Variants in EHHADH observed in about 807,000 individuals in gnomAD.
EHHADH encodes enoyl-CoA hydratase and 3-hydroxyacyl CoA dehydrogenase.
A neutral mutation model predicts 64.4 loss-of-function variants in EHHADH; 48 were observed. The observed-to-expected ratio is 0.75, with a 90% confidence interval of 0.59 to 0.95. The LOEUF is 0.95. Ranked by LOEUF, EHHADH falls within the 40% of genes least tolerant of loss-of-function variation. The pLI is 0.00. For synonymous variants in EHHADH, 308 were observed against 326.7 expected (o/e 0.94, Z 0.62); for missense variants, 854 against 876.6 (o/e 0.97, Z 0.33).
intron 6 of EHHADH, among the ~76,000 whole-genome samples, chr3:185,196,804 C>A (rs774108777): frequency 3.3e-5 from 5 of 152,238 alleles, no homozygotes; most frequent in Middle Eastern, 3.4e-3. Context: ...GAGTTCAAGA[C>A]CAGCCTGGCC....
intron 6 of EHHADH, 131 bp from the exon 7 acceptor site, chr3:185,193,618 T>C: frequency 9.6e-7 from 1 of 1,038,294 alleles, no homozygotes; most frequent in Non-Finnish European, 1.4e-6. Flanking sequence ...ACAAATGGAT[T>C]GAGTACTAGT....
intron 4 of EHHADH, among the ~76,000 whole-genome samples, chr3:185,225,307 C>T (rs1338811944): frequency 6.6e-6 from 1 of 152,100 alleles, no homozygotes; most frequent in Non-Finnish European, 1.5e-5. Context: ...GTGATGGCAC[C>T]ATCCTTCCAG....
At chr3:185,193,515 G>A in intron 6 of EHHADH, 28 bp from the exon 7 acceptor site, 1 of 1,608,500 alleles carries the variant, frequency 6.2e-7, no homozygotes, top group Non-Finnish European at 8.5e-7. Flanking sequence ...AGGAGAAAAA[G>A]AATGATTCAG....
At position 185,229,492 on chromosome 3, in the gene EHHADH, C is replaced by T. The variant is rs1719096358; in HGVS notation, c.403G>A (p.Gly135Arg). 6.3e-7 allele frequency: 1 copy of T among 1,575,814 alleles called. No individual in the cohort carries two copies. Among genetic ancestry groups the T allele is most frequent in the Non-Finnish European group, 8.6e-7 (1 of 1,158,408 alleles). ...VTLGLLPGAR[G>R]TQLLPRLTGV... ...GTGAGTCTGGGGAGAAGCTGGGTTC[C>T]TCTTGCACCAGGGAGAAGTCCCAGT... The change falls in exon 4 of 7, where the codon GGA becomes AGA. Residue 135 changes from glycine (G) to arginine (R), a missense_variant. By Grantham distance (125) the Gly-to-Arg change is moderately radical (BLOSUM62 -2). Transcript: ENST00000231887.
intron 3 of EHHADH, among the ~76,000 whole-genome samples, chr3:185,234,305 T>C (rs1719222587): frequency 2.0e-5 from 3 of 152,210 alleles, no homozygotes; most frequent in African/African-American, 7.2e-5. Context: ...ATTTGTCTTA[T>C]TAGGTACTGA....
chr3:185,202,244 C>A (rs150058561), intron 6 of EHHADH, among the ~76,000 whole-genome samples: 2 of 151,456 alleles, frequency 1.3e-5, no homozygotes, highest in African/African-American at 4.9e-5. Context: ...GAGGCTGAAG[C>A]ACGAGAATTG....
At chr3:185,221,561 C>T (rs925885280) in intron 4 of EHHADH, among the ~76,000 whole-genome samples, 4 of 144,664 alleles carry the variant, frequency 2.8e-5, no homozygotes, top group Non-Finnish European at 6.0e-5. Flanking sequence ...CATATAGCCT[C>T]ATGATATTTT....
rs551085259 is a variant in EHHADH at position 185,202,675 on chromosome 3, C to G, written c.910+1741G>C. Among the ~76,000 whole-genome samples the G allele has an allele frequency of 1.8e-4, 27 of 152,290 alleles. 2 individuals are homozygous for G. In the South Asian group the frequency reaches 5.2e-3, roughly 29 times the overall value. ...TTAGACTCTCACAGGAGCGCGAACCCTATTGTGAACTGCGCATGTGAGGGA... is the reference window on the plus strand; with the variant it reads ...TTAGACTCTCACAGGAGCGCGAACCGTATTGTGAACTGCGCATGTGAGGGA... On this transcript the variant is annotated intron_variant, in intron 6 of 6. Transcript: ENST00000231887.
At chr3:185,232,075 A>T (rs1325963705) in intron 3 of EHHADH, among the ~76,000 whole-genome samples, 7 of 152,114 alleles carry the variant, frequency 4.6e-5, no homozygotes. Flanking sequence ...AAAGTGGCTG[A>T]GGATCTGTTA....
At chr3:185,225,835 T>C (rs1028796170) in intron 4 of EHHADH, among the ~76,000 whole-genome samples, 2 of 152,290 alleles carry the variant, frequency 1.3e-5, no homozygotes, top group African/African-American at 2.4e-5. Context: ...CCTCCAGATA[T>C]TGGCATAACA....
At position 185,221,315 on chromosome 3, in the gene EHHADH, T is replaced by A. The variant is rs141087806; in HGVS notation, c.464-3075A>T. 4.8e-3 allele frequency among the ~76,000 whole-genome samples: 735 copies of A among 152,338 alleles called. 10 individuals carry two copies. The highest frequency in any genetic ancestry group is 0.016 in the African/African-American group (680 of 41,582). On this transcript the variant is annotated intron_variant, in intron 4 of 6. Coordinates refer to ENST00000231887, the MANE Select transcript of EHHADH (RefSeq NM_001966.4). ...GTCTTTTGCACAATAAATTGTCTCA[T>A]GTGCTTTGAATCCTGTAGTATGTTG...
intron 3 of EHHADH, among the ~76,000 whole-genome samples, chr3:185,234,858 A>T (rs1719244337): frequency 6.6e-6 from 1 of 152,210 alleles, no homozygotes; most frequent in Admixed American, 6.5e-5. Context: ...TAACAGCTGA[A>T]GTCGTTAACC....
At chr3:185,211,656 CAAG>C (rs1718543807) in intron 5 of EHHADH, among the ~76,000 whole-genome samples, 1 of 152,172 alleles carries the variant, frequency 6.6e-6, no homozygotes, top group African/African-American at 2.4e-5. Context: ...TAACAGGCTT[CAAG>C]AAGGTGACCC....
At chr3:185,243,061 T>G (rs1323403183) in intron 2 of EHHADH, among the ~76,000 whole-genome samples, 7 of 152,232 alleles carry the variant, frequency 4.6e-5, no homozygotes, top group South Asian at 2.1e-4. Context: ...ACCCATGTAT[T>G]TCACATGGCT....
intron 3 of EHHADH, among the ~76,000 whole-genome samples, chr3:185,233,079 T>G (rs1199696771): frequency 2.0e-5 from 3 of 152,152 alleles, no homozygotes; most frequent in Non-Finnish European, 4.4e-5. Context: ...TAAAAGACAG[T>G]AATAATGTAT....
At chr3:185,212,088 A>G (rs1359529577) in intron 5 of EHHADH, among the ~76,000 whole-genome samples, 1 of 152,232 alleles carries the variant, frequency 6.6e-6, no homozygotes, top group Admixed American at 6.5e-5. Context: ...TGGTCTTTGA[A>G]TAACAGCACA....
At chr3:185,195,583 AG>A (rs1270498630) in intron 6 of EHHADH, among the ~76,000 whole-genome samples, 3 of 152,248 alleles carry the variant, frequency 2.0e-5, no homozygotes, top group African/African-American at 7.2e-5. Flanking sequence ...TATTCAAAAT[AG>A]CCAAATGCAG....
At chr3:185,215,883 C>T (rs1718669199) in intron 5 of EHHADH, among the ~76,000 whole-genome samples, 1 of 152,114 alleles carries the variant, frequency 6.6e-6, no homozygotes, top group African/African-American at 2.4e-5. Flanking sequence ...CGATTATATA[C>T]TGTATAATTG....
intron 5 of EHHADH, among the ~76,000 whole-genome samples, chr3:185,209,544 T>C (rs1718483849): frequency 1.3e-5 from 2 of 152,358 alleles, no homozygotes; most frequent in East Asian, 1.9e-4. Context: ...CCAGGGCTTA[T>C]ACCAGAGCAG....
Sources: gnomAD v4.1 joint callset for allele counts (sites outside exome capture counted in the v4.1 genomes callset) on GRCh38, gnomAD v4.1.1 for gene constraint, MANE v1.5 for transcripts, NCBI Gene and HGNC (gene_info 2026-07-23, HGNC 2026-07-21) for gene names.